Variants in DRC11 observed in about 807,000 individuals in gnomAD.
DRC11 encodes IQ and AAA domain-containing protein 1.
the DRC11 span, among the ~76,000 whole-genome samples, chr2:236,395,507 G>A: frequency 1.8e-3 from 269 of 152,248 alleles, 3 homozygotes; most frequent in African/African-American, 3.5e-3. Context: ...GCTTGTAGGA[G>A]GTATGTACTC....
chr2:236,415,625 T>C, the DRC11 span, among the ~76,000 whole-genome samples: 1 of 152,202 alleles, frequency 6.6e-6, no homozygotes, highest in African/African-American at 2.4e-5. The surrounding 1 kb of genome is among the most constrained non-coding windows in gnomAD (Gnocchi z 5.7). Flanking sequence ...AAAACTTCAT[T>C]TCTGATTCTG....
chr2:236,329,363 T>C, the DRC11 span, among the ~76,000 whole-genome samples: 1 of 152,202 alleles, frequency 6.6e-6, no homozygotes, highest in Non-Finnish European at 1.5e-5. Context: ...TTTCCTCATG[T>C]GCAAAACAGG....
chr2:236,320,191 C>T, the DRC11 span, among the ~76,000 whole-genome samples: 3 of 152,218 alleles, frequency 2.0e-5, no homozygotes, highest in East Asian at 5.8e-4. Context: ...ATATTTTGGA[C>T]CAAGGTCCTT....
chr2:236,388,227 A>G, the DRC11 span, among the ~76,000 whole-genome samples: 1 of 151,734 alleles, frequency 6.6e-6, no homozygotes, highest in African/African-American at 2.4e-5. Flanking sequence ...AGATTGGGGA[A>G]GTTCTCCTGG....
At chr2:236,375,431 G>C in the DRC11 span, among the ~76,000 whole-genome samples, 1 of 152,170 alleles carries the variant, frequency 6.6e-6, no homozygotes, top group African/African-American at 2.4e-5. The surrounding 1 kb of genome is among the most constrained non-coding windows in gnomAD (Gnocchi z 4.2). Flanking sequence ...GTTAAAAACA[G>C]CCATTTTAAA....
the DRC11 span, among the ~76,000 whole-genome samples, chr2:236,371,610 C>A: frequency 6.6e-6 from 1 of 152,160 alleles, no homozygotes. This position sits in a 1 kb window ranked among gnomAD's most constrained non-coding sequence, Gnocchi z 5.1. Context: ...AAGCCCTCAC[C>A]TTGTCCTGGT....
At chr2:236,403,354 CA>C in the DRC11 span, among the ~76,000 whole-genome samples, 7 of 151,614 alleles carry the variant, frequency 4.6e-5, no homozygotes, top group African/African-American at 1.5e-4. Flanking sequence ...AAAAGAGAGA[CA>C]GGGGGACAGA....
chr2:236,358,204 C>T, the DRC11 span, among the ~76,000 whole-genome samples: 1 of 121,538 alleles, frequency 8.2e-6, no homozygotes, highest in Non-Finnish European at 1.6e-5. Flanking sequence ...AATATATATA[C>T]TATATGAATA....
chr2:236,413,555 A>T, the DRC11 span, among the ~76,000 whole-genome samples: 3 of 152,190 alleles, frequency 2.0e-5, no homozygotes, highest in Non-Finnish European at 4.4e-5. This position sits in a 1 kb window ranked among gnomAD's most constrained non-coding sequence, Gnocchi z 4.0. Flanking sequence ...TTAATGGTTC[A>T]ATTTGGAGCA....
At chr2:236,357,032 TATATATTC>T in the DRC11 span, among the ~76,000 whole-genome samples, 3 of 97,882 alleles carry the variant, frequency 3.1e-5, 1 homozygote, top group Non-Finnish European at 6.7e-5. Flanking sequence ...TCTATATATT[TATATATTC>T]ATATATTATA....
At chr2:236,437,415 T>C in the DRC11 span, among the ~76,000 whole-genome samples, 1 of 151,424 alleles carries the variant, frequency 6.6e-6, no homozygotes, top group African/African-American at 2.4e-5. Context: ...TGTGCATGTA[T>C]CTTTATAGCA....
the DRC11 span, among the ~76,000 whole-genome samples, chr2:236,499,911 C>T: frequency 1.3e-5 from 2 of 152,212 alleles, no homozygotes; most frequent in Non-Finnish European, 2.9e-5. This position sits in a 1 kb window ranked among gnomAD's most constrained non-coding sequence, Gnocchi z 4.7. Flanking sequence ...TATTAAGCAG[C>T]CCCTCCAGGC....
the DRC11 span, among the ~76,000 whole-genome samples, chr2:236,356,991 T>C: frequency 9.1e-6 from 1 of 109,770 alleles, no homozygotes; most frequent in Non-Finnish European, 1.9e-5. Context: ...ATATTATATA[T>C]CTATATATTT....
the DRC11 span, among the ~76,000 whole-genome samples, chr2:236,311,860 T>C: frequency 3.9e-5 from 6 of 152,100 alleles, no homozygotes; most frequent in African/African-American, 1.4e-4. The surrounding 1 kb of genome is among the most constrained non-coding windows in gnomAD (Gnocchi z 6.9). Context: ...TGGCTGCTAG[T>C]TGGGGATGCA....
chr2:236,431,723 A>C, the DRC11 span, among the ~76,000 whole-genome samples: 1 of 151,952 alleles, frequency 6.6e-6, no homozygotes, highest in Non-Finnish European at 1.5e-5. This position sits in a 1 kb window ranked among gnomAD's most constrained non-coding sequence, Gnocchi z 4.2. Flanking sequence ...ATGGCATAAC[A>C]CTTTAAGTTC....
the DRC11 span, among the ~76,000 whole-genome samples, chr2:236,450,768 T>G: frequency 6.6e-6 from 1 of 152,224 alleles, no homozygotes; most frequent in African/African-American, 2.4e-5. Flanking sequence ...GCTCTCCACT[T>G]TGTCTGATGT....
At chr2:236,506,978 G>A in the DRC11 span, among the ~76,000 whole-genome samples, 1 of 152,194 alleles carries the variant, frequency 6.6e-6, no homozygotes, top group Non-Finnish European at 1.5e-5. The surrounding 1 kb of genome is among the most constrained non-coding windows in gnomAD (Gnocchi z 4.9). Flanking sequence ...TAAGGGCTTG[G>A]CAGGTATACG....
the DRC11 span, among the ~76,000 whole-genome samples, chr2:236,492,191 T>C: frequency 1.3e-4 from 20 of 152,354 alleles, no homozygotes; most frequent in South Asian, 4.1e-3. Context: ...TATTCTGTTA[T>C]ACCAGCACAA....
chr2:236,342,430 C>T, the DRC11 span, among the ~76,000 whole-genome samples: 39 of 152,284 alleles, frequency 2.6e-4, 1 homozygote, highest in African/African-American at 8.7e-4. This position sits in a 1 kb window ranked among gnomAD's most constrained non-coding sequence, Gnocchi z 5.8. Context: ...AGAATGTGGA[C>T]GTCCAATGCT....
Sources: allele counts gnomAD v4.1 joint callset (sites outside exome capture counted in the v4.1 genomes callset), GRCh38; gene constraint gnomAD v4.1.1; non-coding constraint Gnocchi (gnomAD v3.1); transcripts MANE v1.5; gene names NCBI Gene and HGNC (gene_info 2026-07-23, HGNC 2026-07-21).